DARS1: variants seen among roughly 807,000 people sequenced by gnomAD.
The protein encoded by DARS1 is aspartate--tRNA ligase, cytoplasmic.
In DARS1, 51 loss-of-function variants were observed where a neutral mutation model predicts 68.8. That is an observed-to-expected ratio of 0.74 (90% CI 0.59 to 0.94). DARS1 has a LOEUF of 0.94. DARS1 is among the 40% of genes least tolerant of loss of function. DARS1 has a pLI of 0.00. For missense variants in DARS1, 607 were observed against 597.3 expected, an observed-to-expected ratio of 1.02 and a Z score of -0.17; for synonymous variants, 203 against 190.4, an observed-to-expected ratio of 1.07 and a Z score of -0.55.
chr2:135,913,370 A>G (rs1310866378), intron 12 of DARS1, among the ~76,000 whole-genome samples: 1 of 152,202 alleles, frequency 6.6e-6, no homozygotes, highest in Non-Finnish European at 1.5e-5. Flanking sequence ...AATGAATGCT[A>G]CAACTGAAAG....
At chr2:135,972,192 T>A (rs180915621) in intron 3 of DARS1, among the ~76,000 whole-genome samples, 206 of 152,236 alleles carry the variant, frequency 1.4e-3, no homozygotes, top group African/African-American at 3.2e-3. Flanking sequence ...ACTACGGAGC[T>A]ATAGTAACCA....
At position 135,985,533 on chromosome 2, in the gene DARS1, G is replaced by A. The variant is rs1402694690; in HGVS notation, c.-65C>T. On this transcript the variant is annotated 5_prime_UTR_variant, in exon 1 of 16. Transcript: ENST00000264161. ...CAGGCTTCCGTAAGGCAGGCCAAAG[G>A]GGCTTCTCCCTCCCTCCCAGTCTCC... 7 of 1,612,060 alleles carry A rather than the reference G, an allele frequency of 4.3e-6. No individual in the cohort carries two copies. Among genetic ancestry groups the A allele is most frequent in the Non-Finnish European group, 5.9e-6 (7 of 1,179,244 alleles).
chr2:135,985,083 C>T, intron 1 of DARS1: 1 of 423,408 alleles, frequency 2.4e-6, no homozygotes, highest in Non-Finnish European at 4.3e-6. Context: ...GCATTACGTG[C>T]AGGACGTGCC....
rs145703377 is a variant in DARS1, at chr2:135,951,356, T to C, written c.321-7876A>G. On this transcript the variant is annotated intron_variant, in intron 4 of 15. Coordinates refer to ENST00000264161, the MANE Select transcript of DARS1 (RefSeq NM_001349.4). ...GTACTCTCAGTCCATGTTGGCAATT[T>C]ATTCCAGATTAATGGTGTCACTTCC... Among the ~76,000 whole-genome samples the C allele has an allele frequency of 2.9e-3, 440 of 152,322 alleles. 1 individual carries two copies. The highest frequency in any genetic ancestry group is 0.01 in the African/African-American group (420 of 41,568).
chr2:135,928,483 T>C (rs548565121), intron 7 of DARS1, among the ~76,000 whole-genome samples: 1 of 151,820 alleles, frequency 6.6e-6, no homozygotes, highest in African/African-American at 2.4e-5. Context: ...TAGCTGGGAC[T>C]ACAGGCACAT....
chr2:135,924,670 T>C lies in DARS1; in HGVS notation c.565-172A>G, dbSNP rs142033105. On this transcript the variant is annotated intron_variant, in intron 7 of 15. Transcript: ENST00000264161. The stretch of plus-strand genomic sequence containing the variant: ...ATAAATACAAGGCAAAAAGGCATGC[T>C]GGAATACAATGACTATATATGATCA... 9.5e-4 allele frequency among the ~76,000 whole-genome samples: 145 copies of C among 152,352 alleles called. 1 individual carries two copies. The highest frequency in any genetic ancestry group is 3.4e-3 in the African/African-American group (140 of 41,588).
Position 135,907,250 on chromosome 2 carries a change from T to TG in DARS1, c.*65_*66insC. The TG allele has an allele frequency of 1.1e-6, 1 of 871,182 alleles. No individual in the cohort carries two copies. Among genetic ancestry groups the TG allele is most frequent in the East Asian group, 3.0e-5 (1 of 32,788 alleles). The allele number at this position is 871,182 out of a possible 1,614,324, so 54.0% of individuals were successfully genotyped here. A position where few individuals can be genotyped will look rare whatever the true frequency, so the allele number is the denominator to read the frequency against. On this transcript the variant is annotated 3_prime_UTR_variant, in exon 16 of 16. Transcript: ENST00000264161. ...AGAATAAGTGTGGCTTTCTTTTTTT[T>TG]TTTTTTTTTTTGAGGCAGGGTCTCG...
rs142805073 is a variant in DARS1 at position 135,911,282 on chromosome 2, G to A, written c.1343-72C>T. The A allele has an allele frequency of 3.2e-5, 28 of 873,944 alleles. No homozygotes were observed. In the African/African-American group the frequency reaches 4.2e-4, roughly 13 times the overall value. The allele number at this position is 873,944 out of a possible 1,614,324, so 54.1% of individuals were successfully genotyped here. A position where few individuals can be genotyped will look rare whatever the true frequency, so the allele number is the denominator to read the frequency against. On this transcript the variant is annotated intron_variant, in intron 14 of 15. Transcript: ENST00000264161. The stretch of plus-strand genomic sequence containing the variant: ...TTAAAAGGTCACAAAAGCAATTACT[G>A]TTCAATGGAGATTTTTAAAAAGACT...
At chr2:135,967,832 C>T (rs1447082112) in intron 3 of DARS1, among the ~76,000 whole-genome samples, 2 of 152,086 alleles carry the variant, frequency 1.3e-5, no homozygotes, top group African/African-American at 4.8e-5. Context: ...TATATTACTC[C>T]TGGGGTTAAA....
chr2:135,924,081 C>CA (rs1013075540), intron 8 of DARS1, among the ~76,000 whole-genome samples: 4 of 152,138 alleles, frequency 2.6e-5, no homozygotes, highest in African/African-American at 9.7e-5. Flanking sequence ...ATACTAATTT[C>CA]AAAAGAAATC....
intron 7 of DARS1, 131 bp downstream of exon 7, chr2:135,932,652 T>C (rs1681376519): frequency 3.6e-6 from 2 of 550,902 alleles, no homozygotes; most frequent in South Asian, 3.5e-5. Context: ...GAAAAGGAAA[T>C]TGTTTCCTGT....
At chr2:135,919,125 G>C (rs1323471470) in intron 10 of DARS1, among the ~76,000 whole-genome samples, 1 of 152,118 alleles carries the variant, frequency 6.6e-6, no homozygotes, top group Non-Finnish European at 1.5e-5. Context: ...CCGCCTCCTA[G>C]GTTCAAGTGA....
At chr2:135,978,971 AT>A (rs5834455) in intron 3 of DARS1, 64,427 of 191,198 alleles carry the variant, frequency 0.34, 9,196 homozygotes, top group Middle Eastern at 0.6. Context: ...TTTTTTTTCA[AT>A]TTTTTTTTTT....
intron 7 of DARS1, among the ~76,000 whole-genome samples, chr2:135,931,627 G>C (rs1384669264): frequency 1.3e-5 from 2 of 152,138 alleles, no homozygotes; most frequent in African/African-American, 4.8e-5. Context: ...GTCAAAGTAA[G>C]AGTTAAGCAT....
In DARS1 at chr2:135,985,394, G is replaced by A; in HGVS notation, c.66+9C>T. ...TGTCCTCCCAGGCCCAGGAAAGGAG[G>A]AAACCCACTTCCGCCGCGTCCATGA... On this transcript the variant is annotated intron_variant, in intron 1 of 15. Transcript: ENST00000264161. 1.2e-6 allele frequency: 2 copies of A among 1,613,478 alleles called. No homozygotes were observed. The highest frequency in any genetic ancestry group is 1.7e-6 in the Non-Finnish European group (2 of 1,179,862).
intron 4 of DARS1, among the ~76,000 whole-genome samples, chr2:135,955,330 T>C (rs771073853): frequency 1.2e-4 from 19 of 152,152 alleles, no homozygotes; most frequent in Admixed American, 2.6e-4. Context: ...AAATAATGTG[T>C]TAAATCTTAC....
chr2:135,917,835 C>T (rs781600915), intron 10 of DARS1, among the ~76,000 whole-genome samples: 4 of 152,094 alleles, frequency 2.6e-5, no homozygotes, highest in East Asian at 3.9e-4. Context: ...TACAGGCTTT[C>T]GTGGGAATAA....
chr2:135,920,402 G>T, intron 10 of DARS1, 51 bp downstream of exon 10: 3 of 1,519,674 alleles, frequency 2.0e-6, no homozygotes, highest in Non-Finnish European at 2.6e-6. Context: ...TTTTTTAAAG[G>T]GCCCAAACAT....
At chr2:135,924,745 T>C (rs980774215) in intron 7 of DARS1, among the ~76,000 whole-genome samples, 2 of 152,188 alleles carry the variant, frequency 1.3e-5, no homozygotes, top group Non-Finnish European at 2.9e-5. Context: ...TTTTAATTTG[T>C]AGGAATTCCA....
Sources: gnomAD v4.1 joint callset for allele counts (sites outside exome capture counted in the v4.1 genomes callset) on GRCh38, gnomAD v4.1.1 for gene constraint, MANE v1.5 for transcripts, NCBI Gene and HGNC (gene_info 2026-07-23, HGNC 2026-07-21) for gene names.